The following PTPRD variants were observed in gnomAD, a reference collection of about 807,000 sequenced individuals.
PTPRD encodes the protein receptor-type tyrosine-protein phosphatase delta.
Under a neutral mutation model 214.5 loss-of-function variants are expected in PTPRD, and 34 were observed. That is an observed-to-expected ratio of 0.16 (90% CI 0.12 to 0.21). The LOEUF (loss-of-function observed/expected upper bound fraction) is 0.21, where lower values mean the gene tolerates loss of function less well. Among genes scored for constraint, PTPRD ranks in the 10% least tolerant of loss-of-function variants. PTPRD has a pLI of 1.00. For missense variants in PTPRD, 2,545 were observed against 2,398.7 expected, an observed-to-expected ratio of 1.06 and a Z score of -1.27; for synonymous variants, 1,128 against 845.7, an observed-to-expected ratio of 1.33 and a Z score of -5.79.
chr9:9,056,416 C>T (rs2099696369), intron 10 of PTPRD, among the ~76,000 whole-genome samples: 1 of 152,164 alleles, frequency 6.6e-6, no homozygotes, highest in Non-Finnish European at 1.5e-5. Context: ...ACCCGCATAG[C>T]ACAGACCTGA....
chr9:10,522,141 C>T lies in PTPRD; in HGVS notation c.-600+90257G>A, dbSNP rs1029772486. Among the ~76,000 whole-genome samples, 129 of 152,260 alleles carry T rather than the reference C, an allele frequency of 8.5e-4. 1 individual carries two copies. The highest frequency in any genetic ancestry group is 2.9e-3 in the African/African-American group (119 of 41,556). On this transcript the variant is annotated intron_variant, in intron 2 of 45. Coordinates refer to ENST00000381196, the MANE Select transcript of PTPRD (RefSeq NM_002839.4). The stretch of plus-strand genomic sequence containing the variant: ...GACTTCAAATACCGAAAGGTTTGGT[C>T]TTCCTGACTTACCTCCTCCCAGTGC...
chr9:9,688,414 G>A (rs1453726953), intron 7 of PTPRD, among the ~76,000 whole-genome samples: 2 of 151,802 alleles, frequency 1.3e-5, no homozygotes, highest in Non-Finnish European at 2.9e-5. Flanking sequence ...TTTGGACCTT[G>A]CAGGATTAGG....
At chr9:8,988,802 T>C (rs2099355346) in intron 11 of PTPRD, among the ~76,000 whole-genome samples, 1 of 152,102 alleles carries the variant, frequency 6.6e-6, no homozygotes, top group South Asian at 2.1e-4. Context: ...AAATTTAATG[T>C]GCTTTTCTCT....
At chr9:9,389,920 T>C (rs2065207418) in intron 9 of PTPRD, among the ~76,000 whole-genome samples, 1 of 152,084 alleles carries the variant, frequency 6.6e-6, no homozygotes, top group South Asian at 2.1e-4. Flanking sequence ...GCTGGACAAA[T>C]AAATAGATTT....
At chr9:9,462,758 C>T (rs1002619186) in intron 8 of PTPRD, among the ~76,000 whole-genome samples, 6 of 152,002 alleles carry the variant, frequency 3.9e-5, no homozygotes, top group Non-Finnish European at 7.4e-5. Context: ...GCTCACACTT[C>T]GGAGTATAGC....
intron 2 of PTPRD, among the ~76,000 whole-genome samples, chr9:10,520,740 A>G (rs1409783318): frequency 6.6e-6 from 1 of 151,912 alleles, no homozygotes; most frequent in East Asian, 1.9e-4. Context: ...CATTCCCCAT[A>G]TCCTAGGGCC....
intron 11 of PTPRD, among the ~76,000 whole-genome samples, chr9:8,816,036 G>T (rs1776998991): frequency 6.6e-6 from 1 of 152,126 alleles, no homozygotes; most frequent in Non-Finnish European, 1.5e-5. Flanking sequence ...AAGCCTTAGG[G>T]TTTACAGCAA....
At chr9:8,980,050 A>T (rs977636458) in intron 11 of PTPRD, among the ~76,000 whole-genome samples, 1 of 152,152 alleles carries the variant, frequency 6.6e-6, no homozygotes, top group Non-Finnish European at 1.5e-5. Flanking sequence ...TTCAGCCTCA[A>T]AAAAAGAAGG....
intron 5 of PTPRD, among the ~76,000 whole-genome samples, chr9:9,835,830 T>G (rs1222851693): frequency 6.6e-6 from 1 of 152,114 alleles, no homozygotes; most frequent in East Asian, 1.9e-4. Flanking sequence ...GCCACCCTCC[T>G]GCCATATTGT....
intron 9 of PTPRD, among the ~76,000 whole-genome samples, chr9:9,312,844 C>T (rs1317833804): frequency 6.6e-6 from 1 of 152,164 alleles, no homozygotes. Flanking sequence ...AAGCACTCAG[C>T]AAGCCTGCCA....
intron 3 of PTPRD, among the ~76,000 whole-genome samples, chr9:10,093,538 G>C (rs1177148624): frequency 6.6e-6 from 1 of 151,500 alleles, no homozygotes; most frequent in Non-Finnish European, 1.5e-5. Context: ...AAACTGTTTG[G>C]AGATTTCGCA....
chr9:9,353,348 G>T (rs907976808), intron 9 of PTPRD, among the ~76,000 whole-genome samples: 2 of 151,766 alleles, frequency 1.3e-5, no homozygotes. Flanking sequence ...CAGAACTATT[G>T]AACTACAGAA....
intron 2 of PTPRD, chr9:10,532,060 T>G (rs552795157): frequency 1.3e-5 from 2 of 152,280 alleles, no homozygotes; most frequent in Admixed American, 1.3e-4. Context: ...ATTTAGCAGT[T>G]TGTAAAACAA....
intron 9 of PTPRD, among the ~76,000 whole-genome samples, chr9:9,384,675 G>C (rs1288533238): frequency 6.6e-6 from 1 of 151,858 alleles, no homozygotes; most frequent in Non-Finnish European, 1.5e-5. Flanking sequence ...ACTTGTAGTT[G>C]TTGGTTGTTT....
At chr9:10,607,429 T>C (rs903299408) in intron 2 of PTPRD, among the ~76,000 whole-genome samples, 1 of 151,892 alleles carries the variant, frequency 6.6e-6, no homozygotes, top group African/African-American at 2.4e-5. Context: ...CTAAGTCCTA[T>C]TTTGAAGAGA....
Position 10,231,989 on chromosome 9 carries a change from A to AGAGAGAGTGTGTGT in PTPRD, c.-545+108973_-545+108974insACACACACTCTCTC, listed in dbSNP as rs1245284728. On this transcript the variant is annotated intron_variant, in intron 3 of 45. Transcript: ENST00000381196. ...GAGAGAGAGAGAGAGAGAGAGAGAG[A>AGAGAGAGTGTGTGT]GTGTGTGTGTGTGTGTGTGTGTGTG... Among the ~76,000 whole-genome samples the AGAGAGAGTGTGTGT allele has an allele frequency of 6.1e-4, 56 of 92,494 alleles. 1 individual carries two copies. The highest frequency in any genetic ancestry group is 1.9e-3 in the African/African-American group (36 of 18,958). 60.7% of individuals were successfully genotyped at this position (92,494 alleles called of 152,430 possible).
At chr9:10,375,632 C>G (rs957958682) in intron 2 of PTPRD, among the ~76,000 whole-genome samples, 1 of 151,904 alleles carries the variant, frequency 6.6e-6, no homozygotes, top group Non-Finnish European at 1.5e-5. Context: ...CACATTATTG[C>G]TTTAATAGGA....
intron 14 of PTPRD, among the ~76,000 whole-genome samples, chr9:8,550,412 G>C (rs987773501): frequency 1.3e-5 from 2 of 152,074 alleles, no homozygotes; most frequent in African/African-American, 4.8e-5. Context: ...GCTACTACTA[G>C]ATTGTATGAG....
At chr9:9,805,521 C>T (rs538490988) in intron 5 of PTPRD, among the ~76,000 whole-genome samples, 1 of 152,214 alleles carries the variant, frequency 6.6e-6, no homozygotes, top group South Asian at 2.1e-4. Context: ...TCTGAAGGAA[C>T]CCTTTCAGAT....
Sources: gnomAD v4.1 joint callset for allele counts (sites outside exome capture counted in the v4.1 genomes callset) on GRCh38, gnomAD v4.1.1 for gene constraint, MANE v1.5 for transcripts, NCBI Gene and HGNC (gene_info 2026-07-23, HGNC 2026-07-21) for gene names.